Variants in KAZN observed in about 807,000 individuals in gnomAD.
KAZN encodes the protein kazrin.
KAZN carries 40 observed loss-of-function variants against 87.4 expected under a neutral mutation model. That is an observed-to-expected ratio of 0.46 (90% CI 0.36 to 0.60). The LOEUF (loss-of-function observed/expected upper bound fraction) is 0.60, where lower values mean the gene tolerates loss of function less well. KAZN is among the 20% of genes least tolerant of loss of function. KAZN has a pLI of 0.00. For synonymous variants in KAZN, 466 were observed against 458.3 expected (o/e 1.02, Z -0.22); for missense variants, 898 against 1,073.9 (o/e 0.84, Z 2.29).
intron 1 of KAZN, among the ~76,000 whole-genome samples, chr1:13,994,571 A>G (rs1196181265): frequency 1.3e-5 from 2 of 152,170 alleles, no homozygotes; most frequent in Admixed American, 6.5e-5. Context: ...TGGAATTTCA[A>G]TGGGGAACAA....
rs112220065 is a variant in KAZN at position 14,612,280 on chromosome 1, C to T, written c.226+13057C>T. On this transcript the variant is annotated intron_variant, in intron 1 of 14. Transcript: ENST00000376030. The stretch of plus-strand genomic sequence containing the variant: ...TTGAGATGGAGTCACTTGTGTTCAG[C>T]CTTTATCACTGACTTCCCAAGACCC... Among the ~76,000 whole-genome samples, 238 of 152,254 alleles carry T rather than the reference C, an allele frequency of 1.6e-3. 2 individuals are homozygous for T. The highest frequency in any genetic ancestry group is 5.4e-3 in the African/African-American group (224 of 41,530).
At chr1:15,026,487 G>A (rs999576687) in intron 2 of KAZN, among the ~76,000 whole-genome samples, 1 of 152,148 alleles carries the variant, frequency 6.6e-6, no homozygotes, top group Admixed American at 6.5e-5. Flanking sequence ...TCATTATGCT[G>A]GGGGAAAACC....
At chr1:15,102,626 C>T (rs1439586066) in intron 11 of KAZN, among the ~76,000 whole-genome samples, 1 of 152,154 alleles carries the variant, frequency 6.6e-6, no homozygotes, top group African/African-American at 2.4e-5. Context: ...GGCCATCCAG[C>T]CTTTTGTCCC....
chr1:14,608,795 A>G (rs142618714), intron 1 of KAZN, among the ~76,000 whole-genome samples: 26 of 152,340 alleles, frequency 1.7e-4, no homozygotes, highest in African/African-American at 6.3e-4. Context: ...CAGGTCTCAG[A>G]CTTCTGGTCA....
chr1:13,944,613 T>C lies in KAZN; in HGVS notation c.91+50857T>C, dbSNP rs112082657. The stretch of plus-strand genomic sequence containing the variant: ...GGCAGATGAAAGTAAATGGAGGTAG[T>C]GTTTTAAATGCCTTGAATGGCCGCA... On this transcript the variant is annotated intron_variant, in intron 1 of 16. Coordinates refer to the KAZN transcript ENST00000636203. 5.0e-3 allele frequency among the ~76,000 whole-genome samples: 755 copies of C among 152,328 alleles called. 10 individuals are homozygous for C. Among genetic ancestry groups the C allele is most frequent in the African/African-American group, 0.017 (725 of 41,566 alleles).
intron 2 of KAZN, among the ~76,000 whole-genome samples, chr1:14,331,428 T>C (rs765222542): frequency 3.3e-5 from 5 of 152,192 alleles, no homozygotes; most frequent in South Asian, 2.1e-4. Flanking sequence ...TTCTGAGATA[T>C]TGACAGTGGT....
rs560601442 is a variant in KAZN at position 14,910,105 on chromosome 1, C to G, written c.227-50579C>G. Among the ~76,000 whole-genome samples the G allele has an allele frequency of 1.1e-3, 157 of 140,412 alleles. 1 individual carries two copies. Among genetic ancestry groups the G allele is most frequent in the African/African-American group, 3.7e-3 (147 of 40,204 alleles). The allele number at this position is 140,412 out of a possible 152,430, so 92.1% of individuals were successfully genotyped here. A position where few individuals can be genotyped will look rare whatever the true frequency, so the allele number is the denominator to read the frequency against. ...TGAATGAATGAATGCCTGGCCCTGC[C>G]CTAATTACAACCAATTAGCCCCTGG... On this transcript the variant is annotated intron_variant, in intron 1 of 14. Coordinates refer to ENST00000376030, the MANE Select transcript of KAZN (RefSeq NM_201628.3).
intron 2 of KAZN, among the ~76,000 whole-genome samples, chr1:15,024,318 C>T (rs1488602501): frequency 2.0e-5 from 3 of 152,162 alleles, no homozygotes; most frequent in South Asian, 2.1e-4. Flanking sequence ...ACTCAGAGGT[C>T]GTTGGCGACC....
chr1:14,065,899 G>T (rs955820851), intron 1 of KAZN, among the ~76,000 whole-genome samples: 2 of 152,116 alleles, frequency 1.3e-5, no homozygotes, highest in African/African-American at 4.8e-5. Context: ...TATAAAATCT[G>T]CCATTTTAGT....
chr1:14,558,052 C>G (rs1674019035), intron 2 of KAZN, among the ~76,000 whole-genome samples: 1 of 152,324 alleles, frequency 6.6e-6, no homozygotes, highest in African/African-American at 2.4e-5. Flanking sequence ...CAGTGCCACT[C>G]TTGTGATAAC....
At chr1:14,022,164 G>A (rs1009833890) in intron 1 of KAZN, among the ~76,000 whole-genome samples, 5 of 152,108 alleles carry the variant, frequency 3.3e-5, no homozygotes, top group East Asian at 1.9e-4. Flanking sequence ...TGGGGTGTGC[G>A]TGTGTATGTT....
intron 2 of KAZN, among the ~76,000 whole-genome samples, chr1:14,214,779 G>A (rs966347739): frequency 6.6e-6 from 1 of 152,222 alleles, no homozygotes; most frequent in Non-Finnish European, 1.5e-5. Context: ...TTGGATAGTG[G>A]AGCTGGGGAG....
At chr1:14,693,746 T>C (rs1239341503) in intron 1 of KAZN, among the ~76,000 whole-genome samples, 3 of 152,206 alleles carry the variant, frequency 2.0e-5, no homozygotes, top group African/African-American at 7.2e-5. Flanking sequence ...CTTGGGTGTT[T>C]GGAGGCGAGT....
At chr1:14,763,645 A>C (rs1026528294) in intron 1 of KAZN, among the ~76,000 whole-genome samples, 1 of 152,254 alleles carries the variant, frequency 6.6e-6, no homozygotes, top group African/African-American at 2.4e-5. Flanking sequence ...GAACAAATAT[A>C]AATGGACAAC....
intron 1 of KAZN, among the ~76,000 whole-genome samples, chr1:14,005,582 CAT>C (rs1432776395): frequency 6.6e-6 from 1 of 152,120 alleles, no homozygotes; most frequent in Non-Finnish European, 1.5e-5. Flanking sequence ...GGGTTGAAGA[CAT>C]AATCTGTTAA....
intron 1 of KAZN, among the ~76,000 whole-genome samples, chr1:14,815,479 C>T (rs1192927602): frequency 3.3e-5 from 5 of 152,246 alleles, no homozygotes; most frequent in African/African-American, 7.2e-5. Context: ...CTCTGAAATC[C>T]GTCCTGTTGT....
intron 2 of KAZN, among the ~76,000 whole-genome samples, chr1:14,340,069 T>A (rs997925617): frequency 6.7e-6 from 1 of 150,086 alleles, no homozygotes; most frequent in East Asian, 2.0e-4. Context: ...TGTTTCATAT[T>A]CTTTGTTATG....
At chr1:14,357,578 T>C (rs1212624077) in intron 2 of KAZN, among the ~76,000 whole-genome samples, 1 of 152,198 alleles carries the variant, frequency 6.6e-6, no homozygotes, top group Non-Finnish European at 1.5e-5. Flanking sequence ...ATAGCTCTTA[T>C]TATTTTGAGA....
intron 1 of KAZN, among the ~76,000 whole-genome samples, chr1:13,973,221 C>T (rs1330492494): frequency 6.6e-6 from 1 of 152,188 alleles, no homozygotes; most frequent in Non-Finnish European, 1.5e-5. Flanking sequence ...CTCATGTAAA[C>T]TTCATAACAA....
Sources: allele counts gnomAD v4.1 joint callset (sites outside exome capture counted in the v4.1 genomes callset), GRCh38; gene constraint gnomAD v4.1.1; transcripts MANE v1.5; gene names NCBI Gene and HGNC (gene_info 2026-07-23, HGNC 2026-07-21).